FAM169A: variants seen among roughly 807,000 people sequenced by gnomAD.
The protein encoded by FAM169A is soluble lamin-associated protein of 75 kDa.
A neutral mutation model predicts 75.7 loss-of-function variants in FAM169A; 24 were observed. The observed-to-expected ratio is 0.32, with a 90% CI of 0.23 to 0.45. The LOEUF (loss-of-function observed/expected upper bound fraction) is 0.45, where lower values mean the gene tolerates loss of function less well. Ranked by LOEUF, FAM169A falls within the 20% of genes least tolerant of loss-of-function variation. The pLI is 1.00. For synonymous variants in FAM169A, 271 were observed against 271.0 expected (o/e 1.00, Z 0.00); for missense variants, 673 against 784.0 (o/e 0.86, Z 1.69).
At chr5:74,813,807 C>T (rs13184097) in intron 6 of FAM169A, 33 bp downstream of exon 6, 1 of 1,435,962 alleles carries the variant, frequency 7.0e-7, no homozygotes. Context: ...GACACAAAGA[C>T]AAGTTTATTA....
intron 6 of FAM169A, among the ~76,000 whole-genome samples, chr5:74,808,223 C>T (rs1746986052): frequency 6.6e-6 from 1 of 152,190 alleles, no homozygotes. Context: ...AACAACCTAA[C>T]TGTCCATCAA....
At chr5:74,817,821 A>G (rs1747547949) in intron 5 of FAM169A, among the ~76,000 whole-genome samples, 2 of 152,190 alleles carry the variant, frequency 1.3e-5, no homozygotes. Context: ...CACAGATCGA[A>G]GAAATAGAAC....
chr5:74,796,102 A>T lies in FAM169A; in HGVS notation c.1188T>A (p.Asp396Glu), dbSNP rs750000547. 4 of 1,613,946 alleles carry T rather than the reference A, an allele frequency of 2.5e-6. No homozygotes were observed. Among genetic ancestry groups the T allele is most frequent in the Middle Eastern group, 1.6e-4 (1 of 6,082 alleles). The change falls in exon 11 of 13, where the codon GAT (aspartate) becomes GAA (glutamate). Residue 396 changes from aspartate (D) to glutamate (E), a missense_variant. Asp to Glu is a conservative substitution (Grantham distance 45). Coordinates refer to ENST00000687041, the MANE Select transcript of FAM169A (RefSeq NM_001376049.1). The stretch of plus-strand genomic sequence containing the variant: ...GCCGTGCATCTCTATCACTGCTTTC[A>T]TCCTCAAATTCAATCCCTCTCTGTT... ...EPEQRGIEFE[D>E]ESSDRDARPA...
rs1423318903 is a variant in FAM169A at position 74,779,734 on chromosome 5, A to G, written c.*1726T>C. The G allele has an allele frequency of 6.6e-6, 1 of 152,162 alleles. No individual in the cohort carries two copies. Among genetic ancestry groups the G allele is most frequent in the Admixed American group, 6.5e-5 (1 of 15,272 alleles). 9.4% of individuals were successfully genotyped at this position (152,162 alleles called of 1,614,324 possible). A position where few individuals can be genotyped will look rare whatever the true frequency, so the allele number is the denominator to read the frequency against. On this transcript the variant is annotated 3_prime_UTR_variant, in exon 13 of 13. Transcript: ENST00000687041. ...TTACCTTTGACTAATTAAAGAAAAT[A>G]TAGGGTAATACAATTGTTCAAAATC... is the stretch of plus-strand genomic sequence containing the variant.
At position 74,796,031 on chromosome 5, in the gene FAM169A, T is replaced by C. The variant is rs1026277660; in HGVS notation, c.1259A>G (p.Lys420Arg). 3.1e-6 allele frequency: 5 copies of C among 1,612,116 alleles called. No individual in the cohort carries two copies. Among genetic ancestry groups the C allele is most frequent in the Non-Finnish European group, 4.2e-6 (5 of 1,179,584 alleles). ...QPQQEKQDGE[K>R]ESELEPMNGE... ...TTTGCTGAATAAGTGATCTCATACC[T>C]TTTCACCATCTTGCTTCTCTTGCTG... Residue 420 changes from lysine (K) to arginine (R), a missense_variant and splice_region_variant, in exon 11 of 13, where the codon AAG (lysine) becomes AGG (arginine). This residue lies in a region of FAM169A where 510 missense variants were observed against 550.9 expected (regional missense o/e 0.93). Transcript: ENST00000687041.
Position 74,801,519 on chromosome 5 carries a change from G to GCA in FAM169A, c.952+69_952+70dup, listed in dbSNP as rs149496756. The GCA allele has an allele frequency of 1.2e-3, 1,222 of 1,018,846 alleles. 1 individual carries two copies. Among genetic ancestry groups the GCA allele is most frequent in the Middle Eastern group, 1.7e-3 (8 of 4,652 alleles). 63.1% of individuals were successfully genotyped at this position (1,018,846 alleles called of 1,614,324 possible). Reference sequence around the variant, plus strand: ...GGTGACACACCACACACACATGCATGCACACACACACACACAGCCCTAATT... The same window carrying GCA: ...GGTGACACACCACACACACATGCATGCACACACACACACACACAGCCCTAATT... On this transcript the variant is annotated intron_variant, in intron 9 of 12. Transcript: ENST00000687041.
chr5:74,823,551 C>T (rs1747869223), intron 5 of FAM169A, among the ~76,000 whole-genome samples: 1 of 152,110 alleles, frequency 6.6e-6, no homozygotes, highest in African/African-American at 2.4e-5. Flanking sequence ...GTTTTACTGT[C>T]TCATCCACTA....
At chr5:74,853,992 A>G (rs187645794) in intron 1 of FAM169A, among the ~76,000 whole-genome samples, 19 of 152,198 alleles carry the variant, frequency 1.2e-4, no homozygotes, top group South Asian at 2.1e-4. Flanking sequence ...CCTACCCAAT[A>G]TATCTTTTAT....
At chr5:74,820,360 T>C (rs939181122) in intron 5 of FAM169A, among the ~76,000 whole-genome samples, 1 of 152,104 alleles carries the variant, frequency 6.6e-6, no homozygotes, top group Non-Finnish European at 1.5e-5. Context: ...TTGTTAAAAA[T>C]GTAAAAACAA....
intron 6 of FAM169A, among the ~76,000 whole-genome samples, chr5:74,813,441 C>G (rs1219448622): frequency 6.6e-6 from 1 of 152,052 alleles, no homozygotes; most frequent in African/African-American, 2.4e-5. Context: ...ATTCTCCTGC[C>G]TCAGCCTCCC....
At chr5:74,835,175 C>A (rs1305368349) in intron 4 of FAM169A, among the ~76,000 whole-genome samples, 2 of 151,952 alleles carry the variant, frequency 1.3e-5, no homozygotes, top group Non-Finnish European at 1.5e-5. Flanking sequence ...ACGGGGATAC[C>A]AAAGAAGTCT....
chr5:74,866,630 C>T (rs1317793291), upstream of FAM169A: 2 of 741,306 alleles, frequency 2.7e-6, no homozygotes, highest in Non-Finnish European at 3.3e-6. Flanking sequence ...CCCGGCAGCG[C>T]GACGCCCAGC....
intron 6 of FAM169A, among the ~76,000 whole-genome samples, chr5:74,811,160 T>C (rs1159386825): frequency 6.6e-6 from 1 of 152,056 alleles, no homozygotes; most frequent in Non-Finnish European, 1.5e-5. Flanking sequence ...ATTTTCACAT[T>C]TTTAATGGAG....
At chr5:74,791,189 C>G (rs1352198838) in intron 11 of FAM169A, among the ~76,000 whole-genome samples, 2 of 152,166 alleles carry the variant, frequency 1.3e-5, no homozygotes, top group African/African-American at 4.8e-5. Flanking sequence ...AATTACAACG[C>G]CAACTAGGTG....
intron 1 of FAM169A, among the ~76,000 whole-genome samples, chr5:74,860,355 A>G (rs1292587378): frequency 6.6e-6 from 1 of 152,238 alleles, no homozygotes; most frequent in Admixed American, 6.5e-5. Flanking sequence ...TTACATAACA[A>G]TAAGTCAAAC....
upstream of FAM169A, chr5:74,866,473 T>G: frequency 1.3e-6 from 1 of 785,008 alleles, no homozygotes; most frequent in Non-Finnish European, 1.5e-6. Flanking sequence ...GAGCGGCCCC[T>G]CCTCGGAGCC....
chr5:74,818,474 A>G (rs1190312844), intron 5 of FAM169A, among the ~76,000 whole-genome samples: 1 of 152,114 alleles, frequency 6.6e-6, no homozygotes, highest in Non-Finnish European at 1.5e-5. Flanking sequence ...GAATATACTA[A>G]AAGTTACTGA....
rs376417635 is a variant in FAM169A, at chr5:74,821,899, G to C, written c.491-7880C>G. ...TCCAATGGCCTCACTCCTACAGTGG[G>C]ACAGTCTGTAGTGGCTGCAGGTGGA... On this transcript the variant is annotated intron_variant, in intron 5 of 12. Coordinates refer to ENST00000687041, the MANE Select transcript of FAM169A (RefSeq NM_001376049.1). 4.2e-4 allele frequency among the ~76,000 whole-genome samples: 64 copies of C among 152,310 alleles called. 2 individuals are homozygous for C. In the South Asian group the frequency reaches 0.012, roughly 29 times the overall value.
In FAM169A at chr5:74,840,126, T is replaced by G; in HGVS notation, c.180A>C (p.Gly60=). Residue 60 remains glycine, a synonymous_variant, in exon 3 of 13, where the codon GGA becomes GGC. Coordinates refer to ENST00000687041, the MANE Select transcript of FAM169A (RefSeq NM_001376049.1). The part of the protein sequence containing the change: ...SNVGFVPLYG[G]DQTQKILALF... ...GAGCAAGAATTTTCTGGGTCTGATC[T>G]CCACCATAAAGAGGTACAAAGCCTA... 1 of 1,602,452 alleles carries G rather than the reference T, an allele frequency of 6.2e-7. No individual in the cohort carries two copies. Among genetic ancestry groups the G allele is most frequent in the Non-Finnish European group, 8.5e-7 (1 of 1,174,428 alleles).
Sources: allele counts gnomAD v4.1 joint callset (sites outside exome capture counted in the v4.1 genomes callset), GRCh38; gene constraint gnomAD v4.1.1; regional missense constraint gnomAD v4.1.1; transcripts MANE v1.5; gene names NCBI Gene and HGNC (gene_info 2026-07-23, HGNC 2026-07-21).